Variants in LAPTM4B observed in about 807,000 individuals in gnomAD.
LAPTM4B encodes lysosomal-associated transmembrane protein 4B.
LAPTM4B carries 26 observed loss-of-function variants against 28.5 expected under a neutral mutation model. That is an observed-to-expected ratio of 0.91 (90% CI 0.67 to 1.27). The LOEUF (loss-of-function observed/expected upper bound fraction) is 1.27. LAPTM4B is among the 50% of genes most tolerant of loss of function. The probability of loss-of-function intolerance (pLI) is 0.00; values close to 1 mark genes in which losing one functional copy is unlikely to be tolerated. For missense variants in LAPTM4B, 288 were observed against 285.8 expected (o/e 1.01, Z -0.06); for synonymous variants, 109 against 106.4 (o/e 1.02, Z -0.15).
rs568023255 is a variant in LAPTM4B, at chr8:97,837,753, C to T, written c.603+12600C>T. ...TAAATGAACCAGAGGGCCCAGGGGA[C>T]GGTGAGGGTAGAAGGGGAGAGAAAG... On this transcript the variant is annotated intron_variant, in intron 6 of 6. Transcript: ENST00000521545. 4.0e-4 allele frequency among the ~76,000 whole-genome samples: 61 copies of T among 151,812 alleles called. No homozygotes were observed. The East Asian group carries it at 0.011, about 27-fold the overall frequency.
chr8:97,819,079 C>G, intron 4 of LAPTM4B, 61 bp from the exon 5 acceptor site: 1 of 996,462 alleles, frequency 1.0e-6, no homozygotes, highest in African/African-American at 1.6e-5. Flanking sequence ...GAATTGGTGC[C>G]CAAGGAATAC....
In LAPTM4B at chr8:97,843,411, C is replaced by G. The variant is rs1201431633; in HGVS notation, c.604-7986C>G. Among the ~76,000 whole-genome samples the G allele has an allele frequency of 3.9e-5, 6 of 151,994 alleles. No homozygotes were observed. In the East Asian group the frequency reaches 1.2e-3, roughly 30 times the overall value. ...CATTGGACTGAGACTCCGTCTCAAA[C>G]CCACAAAAAACAAAACAACACAACA... On this transcript the variant is annotated intron_variant, in intron 6 of 6. Transcript: ENST00000521545.
At position 97,793,623 on chromosome 8, in the gene LAPTM4B, A is replaced by G. The variant is rs561642376; in HGVS notation, c.100-11730A>G. On this transcript the variant is annotated intron_variant, in intron 1 of 6. Coordinates refer to ENST00000521545, the MANE Select transcript of LAPTM4B (RefSeq NM_018407.6). Reference sequence around the variant, plus strand: ...TTTGACACTTCAGCGATAGAGAATTAGTATATTTTGTACATGGAAATACCA... The same window carrying G: ...TTTGACACTTCAGCGATAGAGAATTGGTATATTTTGTACATGGAAATACCA... Among the ~76,000 whole-genome samples, 34 of 152,352 alleles carry G rather than the reference A, an allele frequency of 2.2e-4. 2 individuals are homozygous for G. The South Asian group carries it at 7.0e-3, about 32-fold the overall frequency.
intron 1 of LAPTM4B, among the ~76,000 whole-genome samples, chr8:97,799,630 T>C (rs1030934068): frequency 5.3e-5 from 8 of 152,196 alleles, no homozygotes; most frequent in East Asian, 1.9e-4. Flanking sequence ...TGACACCAGA[T>C]TGGATTCCTG....
Position 97,835,318 on chromosome 8 carries a change from ATAT to A in LAPTM4B, c.603+10172_603+10174del, listed in dbSNP as rs565089703. ...CCTCCTCTTCTCTAAAACAGTATACATATTATTATCCAGATGTGCTCTTTCCCA... is the reference window on the plus strand; with the variant it reads ...CCTCCTCTTCTCTAAAACAGTATACATATTATCCAGATGTGCTCTTTCCCA... On this transcript the variant is annotated intron_variant, in intron 6 of 6. Coordinates refer to ENST00000521545, the MANE Select transcript of LAPTM4B (RefSeq NM_018407.6). 2.5e-4 allele frequency among the ~76,000 whole-genome samples: 38 copies of A among 152,324 alleles called. No individual in the cohort carries two copies. In the South Asian group the frequency reaches 7.9e-3, roughly 32 times the overall value.
At chr8:97,795,981 C>A (rs1437582479) in intron 1 of LAPTM4B, among the ~76,000 whole-genome samples, 1 of 152,150 alleles carries the variant, frequency 6.6e-6, no homozygotes, top group African/African-American at 2.4e-5. Flanking sequence ...CCTTTGTTGC[C>A]CAGGCTGGAG....
intron 1 of LAPTM4B, among the ~76,000 whole-genome samples, chr8:97,782,208 C>A (rs546615687): frequency 6.0e-5 from 9 of 149,606 alleles, no homozygotes; most frequent in Non-Finnish European, 1.2e-4. Context: ...CTCGAACTCC[C>A]GACCTCTGGT....
At chr8:97,814,784 C>G (rs1816879787) in intron 2 of LAPTM4B, among the ~76,000 whole-genome samples, 1 of 152,064 alleles carries the variant, frequency 6.6e-6, no homozygotes, top group African/African-American at 2.4e-5. Flanking sequence ...AGCTCTGTCT[C>G]CCAGGTTCAT....
intron 4 of LAPTM4B, among the ~76,000 whole-genome samples, chr8:97,816,892 A>G (rs1274227225): frequency 2.0e-5 from 3 of 151,880 alleles, no homozygotes; most frequent in Non-Finnish European, 4.4e-5. Context: ...GTGAGCCAAG[A>G]TCACGCCACT....
Position 97,805,345 on chromosome 8 carries a change from T to TG in LAPTM4B, c.100-7dup, listed in dbSNP as rs771165281. The TG allele has an allele frequency of 7.8e-7, 1 of 1,283,728 alleles. No individual in the cohort carries two copies. Among genetic ancestry groups the TG allele is most frequent in the Non-Finnish European group, 1.1e-6 (1 of 908,236 alleles). The allele number at this position is 1,283,728 out of a possible 1,614,324, so 79.5% of individuals were successfully genotyped here. A position where few individuals can be genotyped will look rare whatever the true frequency, so the allele number is the denominator to read the frequency against. On this transcript the variant is annotated splice_region_variant and splice_polypyrimidine_tract_variant and intron_variant, in intron 1 of 6. Transcript: ENST00000521545. ...AATTCTTTTTTTTTTTTTTTTTTCT[T>TG]GTTGCAGATCATCAATGCTGTGGTA...
chr8:97,795,873 T>C (rs1052948485), intron 1 of LAPTM4B, among the ~76,000 whole-genome samples: 1 of 149,074 alleles, frequency 6.7e-6, no homozygotes, highest in Non-Finnish European at 1.5e-5. Flanking sequence ...CTAACACTAA[T>C]TGGTACTTTT....
intron 5 of LAPTM4B, among the ~76,000 whole-genome samples, chr8:97,821,307 G>C (rs901720424): frequency 6.8e-6 from 1 of 147,048 alleles, no homozygotes; most frequent in Non-Finnish European, 1.5e-5. Context: ...CTGCACTCCA[G>C]CCTGGGCGAC....
intron 2 of LAPTM4B, among the ~76,000 whole-genome samples, chr8:97,814,484 A>G (rs1042352550): frequency 5.9e-5 from 9 of 152,022 alleles, no homozygotes; most frequent in Admixed American, 2.6e-4. Context: ...ATGTTGTCCC[A>G]CTGCATTCCA....
chr8:97,810,609 T>C (rs1165962217), intron 2 of LAPTM4B, among the ~76,000 whole-genome samples: 2 of 152,252 alleles, frequency 1.3e-5, no homozygotes, highest in Non-Finnish European at 2.9e-5. Flanking sequence ...AAAGCATGTA[T>C]GTGTGGCATA....
chr8:97,835,687 G>A (rs868675152), intron 6 of LAPTM4B, among the ~76,000 whole-genome samples: 50 of 152,300 alleles, frequency 3.3e-4, no homozygotes, highest in African/African-American at 1.0e-3. Flanking sequence ...CAGCTCCCTT[G>A]GGCGGGCCTG....
rs2129869260 is a variant in LAPTM4B, at chr8:97,852,042, G to A, written c.*568G>A. On this transcript the variant is annotated 3_prime_UTR_variant, in exon 7 of 7. Transcript: ENST00000521545. Reference sequence around the variant, plus strand: ...TTTGGTGGTAAAGGATTTTCTCCATGGCCTGAATTAAGACCATTAGAAAGC... The same window carrying A: ...TTTGGTGGTAAAGGATTTTCTCCATAGCCTGAATTAAGACCATTAGAAAGC... The A allele has an allele frequency of 6.5e-6, 1 of 154,896 alleles. No homozygotes were observed. The highest frequency in any genetic ancestry group is 2.0e-4 in the South Asian group (1 of 4,976). 9.6% of individuals were successfully genotyped at this position (154,896 alleles called of 1,614,324 possible).
chr8:97,832,906 A>G (rs1817204917), intron 6 of LAPTM4B, among the ~76,000 whole-genome samples: 1 of 149,508 alleles, frequency 6.7e-6, no homozygotes. Flanking sequence ...GGGTTTCACC[A>G]TGTTGGCCAG....
intron 1 of LAPTM4B, among the ~76,000 whole-genome samples, chr8:97,797,361 G>A (rs191517488): frequency 2.7e-4 from 41 of 152,084 alleles, no homozygotes; most frequent in Admixed American, 2.6e-3. Flanking sequence ...TCGAACTCCC[G>A]ACCTCAGGTG....
intron 1 of LAPTM4B, among the ~76,000 whole-genome samples, chr8:97,782,725 C>A (rs560158797): frequency 2.7e-5 from 4 of 150,620 alleles, no homozygotes; most frequent in African/African-American, 9.8e-5. Context: ...CGTGAGCCAC[C>A]GTCCCCAGCC....
Sources: allele counts gnomAD v4.1 joint callset (sites outside exome capture counted in the v4.1 genomes callset), GRCh38; gene constraint gnomAD v4.1.1; transcripts MANE v1.5; gene names NCBI Gene and HGNC (gene_info 2026-07-23, HGNC 2026-07-21).